The following THNSL1 variants were observed in gnomAD, a reference collection of about 807,000 sequenced individuals.
THNSL1 encodes threonine synthase like 1.
In THNSL1, 48 loss-of-function variants were observed where a neutral mutation model predicts 50.4. The observed-to-expected ratio is 0.95, with a 90% CI of 0.76 to 1.21. The LOEUF is 1.21. THNSL1 is among the 50% of genes most tolerant of loss of function. The pLI, the probability that THNSL1 is intolerant of heterozygous loss-of-function variation, is 0.00. For synonymous variants in THNSL1, 309 were observed against 306.1 expected (o/e 1.01, Z -0.10); for missense variants, 896 against 871.7 (o/e 1.03, Z -0.35).
At chr10:24,959,189 G>A in the THNSL1 span, among the ~76,000 whole-genome samples, 2 of 152,194 alleles carry the variant, frequency 1.3e-5, no homozygotes, top group African/African-American at 4.8e-5. Context: ...AAAAAGGGGG[G>A]CCTCCTTAGT....
the THNSL1 span, among the ~76,000 whole-genome samples, chr10:24,956,985 A>G: frequency 3.9e-5 from 6 of 152,210 alleles, no homozygotes; most frequent in African/African-American, 1.4e-4. Flanking sequence ...GAGATGGAAC[A>G]GTTTCATCCT....
the THNSL1 span, among the ~76,000 whole-genome samples, chr10:24,973,407 G>A: frequency 6.6e-6 from 1 of 151,820 alleles, no homozygotes. Context: ...GTGGGATGGA[G>A]CAGGACGGTG....
chr10:25,007,193 C>T, the THNSL1 span, among the ~76,000 whole-genome samples: 1 of 152,062 alleles, frequency 6.6e-6, no homozygotes, highest in African/African-American at 2.4e-5. Context: ...TTCTCATATA[C>T]AATATATTGT....
chr10:24,970,201 A>G, the THNSL1 span, among the ~76,000 whole-genome samples: 1 of 152,218 alleles, frequency 6.6e-6, no homozygotes, highest in African/African-American at 2.4e-5. Flanking sequence ...TATGGTAAGT[A>G]TGCACTCTTC....
Position 25,023,565 on chromosome 10 carries a change from G to A in THNSL1, c.342G>A (p.Glu114=). The change falls in exon 3 of 3, where the codon GAG becomes GAA. Residue 114 remains glutamate (E), a synonymous_variant. Transcript: ENST00000376356. ...TTGGTAATGAGCAATTTTTAGAAGA[G>A]GAAGGAAAAGCTGTGTTAAACTTCT... ...QDVGNEQFLE[E]EGKAVLNFSA... 6.2e-7 allele frequency: 1 copy of A among 1,614,110 alleles called. No individual in the cohort carries two copies. The highest frequency in any genetic ancestry group is 8.5e-7 in the Non-Finnish European group (1 of 1,179,992).
chr10:24,968,633 G>A, the THNSL1 span, among the ~76,000 whole-genome samples: 3 of 152,090 alleles, frequency 2.0e-5, no homozygotes, highest in Admixed American at 6.5e-5. Context: ...CTTCAGCTGC[G>A]GCCTTTCTAT....
the THNSL1 span, among the ~76,000 whole-genome samples, chr10:25,004,313 G>T: frequency 5.3e-5 from 8 of 152,104 alleles, no homozygotes; most frequent in Admixed American, 3.9e-4. Context: ...TTGCTGGGTT[G>T]AATGGTATTC....
At chr10:24,972,481 C>T in the THNSL1 span, among the ~76,000 whole-genome samples, 1 of 150,300 alleles carries the variant, frequency 6.7e-6, no homozygotes, top group Non-Finnish European at 1.5e-5. Flanking sequence ...GCACTCCAGT[C>T]TGGGTGAGAG....
At chr10:24,986,739 C>T in the THNSL1 span, among the ~76,000 whole-genome samples, 5 of 152,278 alleles carry the variant, frequency 3.3e-5, no homozygotes, top group East Asian at 9.6e-4. Context: ...TCAAAGTCAA[C>T]AGCCAGGGAT....
chr10:24,968,580 G>GC, the THNSL1 span, among the ~76,000 whole-genome samples: 1 of 151,974 alleles, frequency 6.6e-6, no homozygotes, highest in Non-Finnish European at 1.5e-5. Flanking sequence ...ACTTTTCTCA[G>GC]CCCCTACACT....
At chr10:24,967,007 T>A in the THNSL1 span, among the ~76,000 whole-genome samples, 2 of 152,212 alleles carry the variant, frequency 1.3e-5, no homozygotes, top group African/African-American at 2.4e-5. Context: ...AATTTATTTT[T>A]TTTTTTACCT....
the THNSL1 span, among the ~76,000 whole-genome samples, chr10:24,961,619 A>G: frequency 6.6e-6 from 1 of 152,174 alleles, no homozygotes; most frequent in African/African-American, 2.4e-5. Flanking sequence ...AAACACTTTG[A>G]GGTTCGAGGG....
chr10:24,967,727 T>C, the THNSL1 span, among the ~76,000 whole-genome samples: 1 of 151,616 alleles, frequency 6.6e-6, no homozygotes. Context: ...GTGTGATATG[T>C]GTGTATGATG....
the THNSL1 span, among the ~76,000 whole-genome samples, chr10:24,988,664 GTATATATATATATATATA>G: frequency 8.9e-3 from 877 of 98,480 alleles, 8 homozygotes; most frequent in Middle Eastern, 0.018. Flanking sequence ...CACAGCATAT[GTATATATATATATATATA>G]TATATATATA....
At chr10:24,961,034 C>T in the THNSL1 span, among the ~76,000 whole-genome samples, 3 of 152,200 alleles carry the variant, frequency 2.0e-5, no homozygotes, top group African/African-American at 7.2e-5. Flanking sequence ...TTTTAAAAGA[C>T]AGTGCAAAGG....
the THNSL1 span, among the ~76,000 whole-genome samples, chr10:24,996,207 G>A: frequency 2.6e-5 from 4 of 152,216 alleles, no homozygotes; most frequent in East Asian, 1.9e-4. Context: ...CAGATCGCTT[G>A]AGCTCAGGAG....
chr10:24,988,471 A>G, the THNSL1 span, among the ~76,000 whole-genome samples: 1 of 146,020 alleles, frequency 6.8e-6, no homozygotes, highest in Non-Finnish European at 1.5e-5. Context: ...TAATTTATTT[A>G]TATATAAAAT....
chr10:25,025,402 A>G lies in THNSL1; in HGVS notation c.2179A>G (p.Met727Val). 6.2e-7 allele frequency: 1 copy of G among 1,614,068 alleles called. No homozygotes were observed. The highest frequency in any genetic ancestry group is 8.5e-7 in the Non-Finnish European group (1 of 1,179,972). The stretch of plus-strand genomic sequence containing the variant: ...GGAGTACCAGGTCTGTGCAGCTGAT[A>G]TGAATGTCTTGAAGAGTCATGTGGA... ...KMEYQVCAADMNVLKSHVEQL... is the reference protein window; with the variant it reads ...KMEYQVCAADVNVLKSHVEQL... The change falls in exon 3 of 3, where the codon ATG (methionine) becomes GTG (valine). Residue 727 changes from methionine (M) to valine (V), a missense_variant. Met to Val is a conservative substitution (Grantham distance 21). Coordinates refer to ENST00000376356, the MANE Select transcript of THNSL1 (RefSeq NM_024838.5).
the THNSL1 span, among the ~76,000 whole-genome samples, chr10:24,959,096 T>C: frequency 2.6e-4 from 39 of 152,332 alleles, no homozygotes; most frequent in South Asian, 7.7e-3. Flanking sequence ...GAGGGTCCTG[T>C]AGCAGCTTAT....
Sources: gnomAD v4.1 joint callset for allele counts (sites outside exome capture counted in the v4.1 genomes callset) on GRCh38, gnomAD v4.1.1 for gene constraint, MANE v1.5 for transcripts, NCBI Gene and HGNC (gene_info 2026-07-23, HGNC 2026-07-21) for gene names.